The following EXD3 variants were observed in gnomAD, a reference collection of about 807,000 sequenced individuals.
The protein encoded by EXD3 is exonuclease mut-7 homolog.
Under a neutral mutation model 98.0 loss-of-function variants are expected in EXD3, and 92 were observed. That is an observed-to-expected ratio of 0.94 (90% CI 0.79 to 1.12). The LOEUF (loss-of-function observed/expected upper bound fraction) is 1.12, where lower values mean the gene tolerates loss of function less well. EXD3 is among the 50% of genes most tolerant of loss of function. The pLI is 0.00. For missense variants in EXD3, 1,222 were observed against 1,191.6 expected, an observed-to-expected ratio of 1.03 and a Z score of -0.38; for synonymous variants, 569 against 526.0, an observed-to-expected ratio of 1.08 and a Z score of -1.12.
intron 19 of EXD3, among the ~76,000 whole-genome samples, chr9:137,315,233 G>A (rs1404786329): frequency 6.6e-6 from 1 of 152,210 alleles, no homozygotes; most frequent in African/African-American, 2.4e-5. Flanking sequence ...CCCGTGAGGG[G>A]CCTCAGCCTT....
Position 137,348,191 on chromosome 9 carries a change from C to T in EXD3, c.1878G>A (p.Pro626=), listed in dbSNP as rs199557029. 140 of 1,612,012 alleles carry T rather than the reference C, an allele frequency of 8.7e-5. No homozygotes were observed. The highest frequency in any genetic ancestry group is 5.2e-4 in the African/African-American group (39 of 74,976). ...CACACACCACACGGAAGGCCCTGGC[C>T]GGAATCTGAGGGGCAGCGCCCTCAG... is the stretch of plus-strand genomic sequence containing the variant. ...AVSEGAAPQI[P]ARAFRVVCDN... is the part of the protein sequence containing the mutation. Residue 626 remains proline, a synonymous_variant, in exon 17 of 22, where the codon CCG becomes CCA. Transcript: ENST00000340951.
At chr9:137,422,751 CGT>C (rs1838595056) in intron 1 of EXD3, among the ~76,000 whole-genome samples, 1 of 152,056 alleles carries the variant, frequency 6.6e-6, no homozygotes, top group Admixed American at 6.5e-5. Flanking sequence ...GGCGCGCGCG[CGT>C]CCCACCGGGA....
chr9:137,413,840 C>T (rs1418858666), intron 1 of EXD3, among the ~76,000 whole-genome samples: 2 of 152,034 alleles, frequency 1.3e-5, no homozygotes, highest in Non-Finnish European at 2.9e-5. Flanking sequence ...AGCCCCTGGC[C>T]ATTTTGTGTC....
intron 3 of EXD3, among the ~76,000 whole-genome samples, chr9:137,381,666 G>GC (rs932397058): frequency 6.6e-6 from 1 of 152,106 alleles, no homozygotes; most frequent in Admixed American, 6.6e-5. Context: ...CAGTCCCATT[G>GC]CCCCCTTTAT....
Position 137,374,607 on chromosome 9 carries a change from C to G in EXD3, c.121-1008G>C, listed in dbSNP as rs539379455. Reference sequence around the variant, plus strand: ...CACCCAGGAACAGCCGTGGAGCACACGCACATGAGTGTGTGAGGAGACCTC... The same window carrying G: ...CACCCAGGAACAGCCGTGGAGCACAGGCACATGAGTGTGTGAGGAGACCTC... On this transcript the variant is annotated intron_variant, in intron 3 of 21. Transcript: ENST00000340951. 1.2e-5 allele frequency: 12 copies of G among 985,510 alleles called. No homozygotes were observed. The East Asian group carries it at 1.0e-3, about 84-fold the overall frequency. 61.0% of individuals were successfully genotyped at this position (985,510 alleles called of 1,614,324 possible). A position where few individuals can be genotyped will look rare whatever the true frequency, so the allele number is the denominator to read the frequency against.
rs1036919973 is a variant in EXD3, at chr9:137,371,752, C to T, written c.462+1153G>A. On this transcript the variant is annotated intron_variant, in intron 5 of 21. Coordinates refer to ENST00000340951, the MANE Select transcript of EXD3 (RefSeq NM_017820.5). This position sits in a 1 kb window ranked among gnomAD's most constrained non-coding sequence, Gnocchi z 8.0. Reference sequence around the variant, plus strand: ...CCAAGCACCCCCGGGCCGAGCACCCCCAAGCAGGACATCCCCTGGCAGGAC... The same window carrying T: ...CCAAGCACCCCCGGGCCGAGCACCCTCAAGCAGGACATCCCCTGGCAGGAC... 1.3e-5 allele frequency among the ~76,000 whole-genome samples: 2 copies of T among 151,946 alleles called. No individual in the cohort carries two copies. Among genetic ancestry groups the T allele is most frequent in the Admixed American group, 1.3e-4 (2 of 15,270 alleles).
chr9:137,316,256 G>A (rs1218117248), intron 19 of EXD3, among the ~76,000 whole-genome samples: 1 of 151,816 alleles, frequency 6.6e-6, no homozygotes, highest in African/African-American at 2.4e-5. Flanking sequence ...CCTTGGAAAC[G>A]GCCACTCAGG....
chr9:137,348,185 C>T lies in EXD3; in HGVS notation c.1884G>A (p.Arg628=). ...SEGAAPQIPA[R]AFRVVCDNML... is the part of the protein sequence containing the mutation. The stretch of plus-strand genomic sequence containing the variant: ...TGTTGTCACACACCACACGGAAGGC[C>T]CTGGCCGGAATCTGAGGGGCAGCGC... The change falls in exon 17 of 22, where the codon AGG becomes AGA. Residue 628 remains arginine (R), a synonymous_variant. Transcript: ENST00000340951. 6.2e-7 allele frequency: 1 copy of T among 1,612,032 alleles called. No individual in the cohort carries two copies. Among genetic ancestry groups the T allele is most frequent in the African/African-American group, 1.3e-5 (1 of 74,974 alleles).
intron 10 of EXD3, chr9:137,353,123 G>A (rs890633513): frequency 5.3e-5 from 62 of 1,177,800 alleles, no homozygotes; most frequent in African/African-American, 1.8e-4. Context: ...TGACCTTCCC[G>A]GCCTCCAAGC....
At chr9:137,319,246 G>A (rs752034106) in intron 19 of EXD3, among the ~76,000 whole-genome samples, 25 of 152,242 alleles carry the variant, frequency 1.6e-4, no homozygotes, top group Non-Finnish European at 2.8e-4. Context: ...GTGTCCAGAT[G>A]GGTCATAGCC....
chr9:137,351,241 C>T (rs1387255132), intron 13 of EXD3, 77 bp downstream of exon 13: 20 of 1,540,504 alleles, frequency 1.3e-5, no homozygotes, highest in Non-Finnish European at 1.8e-5. Context: ...CCCCGGGGCA[C>T]ACGGAGGGAA....
chr9:137,403,644 T>G lies in EXD3; in HGVS notation c.-47-8240A>C, dbSNP rs540333831. 1.3e-5 allele frequency among the ~76,000 whole-genome samples: 2 copies of G among 152,186 alleles called. No individual in the cohort carries two copies. Among genetic ancestry groups the G allele is most frequent in the East Asian group, 3.9e-4 (2 of 5,150 alleles). ...CCTTTTTAATTCTTTTGCTGTCACC[T>G]TAATTGGCCTTGGGGGAGATGGACC... On this transcript the variant is annotated intron_variant, in intron 1 of 21. Coordinates refer to ENST00000340951, the MANE Select transcript of EXD3 (RefSeq NM_017820.5). The surrounding 1 kb of genome is among the most constrained non-coding windows in gnomAD (Gnocchi z 6.1).
chr9:137,400,470 A>C lies in EXD3; in HGVS notation c.-47-5066T>G, dbSNP rs1306187461. Among the ~76,000 whole-genome samples, 3 of 152,322 alleles carry C rather than the reference A, an allele frequency of 2.0e-5. No homozygotes were observed. The East Asian group carries it at 5.8e-4, about 29-fold the overall frequency. ...CAATGGGGGTACAGGTATTCAGTAC[A>C]TACAGCCATTCTGGGCCGGGCATGG... On this transcript the variant is annotated intron_variant, in intron 1 of 21. Coordinates refer to ENST00000340951, the MANE Select transcript of EXD3 (RefSeq NM_017820.5).
intron 1 of EXD3, among the ~76,000 whole-genome samples, chr9:137,404,094 C>T (rs960240329): frequency 1.3e-5 from 2 of 152,170 alleles, no homozygotes; most frequent in Non-Finnish European, 2.9e-5. Flanking sequence ...CCCCCATGTG[C>T]GTCTGTGTCC....
intron 17 of EXD3, 49 bp downstream of exon 17, chr9:137,348,022 G>C: frequency 6.4e-7 from 1 of 1,571,514 alleles, no homozygotes; most frequent in Non-Finnish European, 8.6e-7. Context: ...ACCTGTGCTA[G>C]GGGCAGCTGC....
At chr9:137,392,810 G>C (rs1287626213) in intron 2 of EXD3, 3 of 375,886 alleles carry the variant, frequency 8.0e-6, no homozygotes, top group Non-Finnish European at 1.5e-5. Flanking sequence ...GTTCTGTGGG[G>C]GGGCGCCGTG....
At chr9:137,410,677 C>A (rs547159847) in intron 1 of EXD3, among the ~76,000 whole-genome samples, 10 of 152,302 alleles carry the variant, frequency 6.6e-5, no homozygotes, top group Admixed American at 1.3e-4. Flanking sequence ...TGGGTCCCTA[C>A]CCACACGGGG....
At position 137,319,523 on chromosome 9, in the gene EXD3, G is replaced by T. The variant is rs75471685; in HGVS notation, c.2184+4202C>A. On this transcript the variant is annotated intron_variant, in intron 19 of 21. Transcript: ENST00000340951. Reference sequence around the variant, plus strand: ...TGAGGCTGCAGTGCTGCTGGAGTGGGTGGTGGGAACGTGGCCTGAGCCTGC... The same window carrying T: ...TGAGGCTGCAGTGCTGCTGGAGTGGTTGGTGGGAACGTGGCCTGAGCCTGC... Among the ~76,000 whole-genome samples, 1,344 of 152,310 alleles carry T rather than the reference G, an allele frequency of 8.8e-3. 8 individuals carry two copies. The highest frequency in any genetic ancestry group is 0.014 in the Non-Finnish European group (945 of 68,014).
Position 137,371,018 on chromosome 9 carries a change from T to C in EXD3, c.462+1887A>G, listed in dbSNP as rs941639515. 4.6e-5 allele frequency among the ~76,000 whole-genome samples: 7 copies of C among 152,140 alleles called. No homozygotes were observed. Among genetic ancestry groups the C allele is most frequent in the African/African-American group, 1.4e-4 (6 of 41,426 alleles). ...TTCGGCCGGGCGCGGCGGTGAGCAG[T>C]GGAGCATGCATCGCCTGCCGGGCGG... On this transcript the variant is annotated intron_variant, in intron 5 of 21. Transcript: ENST00000340951. The surrounding 1 kb of genome is among the most constrained non-coding windows in gnomAD (Gnocchi z 8.0).
Sources: gnomAD v4.1 joint callset for allele counts (sites outside exome capture counted in the v4.1 genomes callset) on GRCh38, gnomAD v4.1.1 for gene constraint, Gnocchi (gnomAD v3.1) non-coding constraint, MANE v1.5 for transcripts, NCBI Gene and HGNC (gene_info 2026-07-23, HGNC 2026-07-21) for gene names.